ZNF791: variants seen among roughly 807,000 people sequenced by gnomAD.
ZNF791 encodes the protein zinc finger protein 791.
ZNF791 carries 4 observed loss-of-function variants against 11.5 expected under a neutral mutation model. The ratio of observed to expected loss-of-function variants is 0.35; its 90% confidence interval spans 0.17 to 0.80. The LOEUF (loss-of-function observed/expected upper bound fraction) is 0.80, where lower values mean the gene tolerates loss of function less well. ZNF791 is among the 30% of genes least tolerant of loss of function. The pLI is 0.53. For missense variants in ZNF791, 559 were observed against 699.4 expected, an observed-to-expected ratio of 0.80 and a Z score of 2.26; for synonymous variants, 212 against 228.1, an observed-to-expected ratio of 0.93 and a Z score of 0.64.
Position 12,627,703 on chromosome 19 carries a change from G to A in ZNF791, c.192-18G>A. On this transcript the variant is annotated intron_variant, in intron 3 of 3. Transcript: ENST00000343325. ...ATTAATACACAACCAGTATTACCGTGCTTCTAATTTTTTACAGAAGCCATA... is the reference window on the plus strand; with the variant it reads ...ATTAATACACAACCAGTATTACCGTACTTCTAATTTTTTACAGAAGCCATA... 1 of 1,586,724 alleles carries A rather than the reference G, an allele frequency of 6.3e-7. No homozygotes were observed. Among genetic ancestry groups the A allele is most frequent in the African/African-American group, 1.4e-5 (1 of 74,040 alleles).
In ZNF791 at chr19:12,628,449, A is replaced by G. The variant is rs1368025953; in HGVS notation, c.920A>G (p.Lys307Arg). The G allele has an allele frequency of 8.1e-6, 13 of 1,612,060 alleles. No individual in the cohort carries two copies. The highest frequency in any genetic ancestry group is 1.6e-4 in the Middle Eastern group (1 of 6,076). The change falls in exon 4 of 4, where the codon AAA becomes AGA. Residue 307 changes from lysine (K) to arginine (R), a missense_variant. Physicochemically the swap from Lys to Arg is conservative, Grantham distance 26. Coordinates refer to ENST00000343325, the MANE Select transcript of ZNF791 (RefSeq NM_153358.3). Reference sequence around the variant, plus strand: ...CCCTATAAATGTAAACAATGTGGTAAAGCCTTCAGATGTTCCACCTCCATT... The same window carrying G: ...CCCTATAAATGTAAACAATGTGGTAGAGCCTTCAGATGTTCCACCTCCATT... ...EKPYKCKQCG[K>R]AFRCSTSIQI...
rs57575424 is a variant in ZNF791 at position 12,614,892 on chromosome 19, CTTTTTTTTTTTTTTTTTTTTTTTTTTT to C, written c.3+3819_3+3845del. ...ACAGGTGTGAGCCACTGCGTCCGGC[CTTTTTTTTTTTTTTTTTTTTTTTTTTT>C]TTTTTTTTGATACAGCGTCTCACTC... On this transcript the variant is annotated intron_variant, in intron 1 of 3. Coordinates refer to ENST00000343325, the MANE Select transcript of ZNF791 (RefSeq NM_153358.3). Among the ~76,000 whole-genome samples the C allele has an allele frequency of 2.3e-4, 4 of 17,548 alleles. 1 individual carries two copies. The highest frequency in any genetic ancestry group is 5.2e-4 in the Non-Finnish European group (4 of 7,720). 11.5% of individuals were successfully genotyped at this position (17,548 alleles called of 152,430 possible).
At chr19:12,615,930 C>T (rs2023239388) in intron 1 of ZNF791, among the ~76,000 whole-genome samples, 1 of 152,072 alleles carries the variant, frequency 6.6e-6, no homozygotes, top group African/African-American at 2.4e-5. Context: ...TATTTTTCAA[C>T]TCATGTGAGT....
intron 1 of ZNF791, among the ~76,000 whole-genome samples, chr19:12,615,945 A>T (rs2023239826): frequency 6.6e-6 from 1 of 152,202 alleles, no homozygotes; most frequent in Non-Finnish European, 1.5e-5. Flanking sequence ...GTGAGTAAAT[A>T]GCAAGGAATG....
rs1235898284 is a variant in ZNF791 at position 12,629,581 on chromosome 19, G to C, written c.*321G>C. ...GTGTAAACGTGCTGCACTTTCAGTT[G>C]TATAAAAGTACAAGACAGCGGCCGG... On this transcript the variant is annotated 3_prime_UTR_variant, in exon 4 of 4. Coordinates refer to ENST00000343325, the MANE Select transcript of ZNF791 (RefSeq NM_153358.3). 5.7e-6 allele frequency: 1 copy of C among 175,768 alleles called. No homozygotes were observed. Among genetic ancestry groups the C allele is most frequent in the Non-Finnish European group, 1.2e-5 (1 of 83,792 alleles). 10.9% of individuals were successfully genotyped at this position (175,768 alleles called of 1,614,324 possible).
chr19:12,612,201 A>G (rs1046748683), intron 1 of ZNF791: 1 of 784,752 alleles, frequency 1.3e-6, no homozygotes, highest in Non-Finnish European at 1.5e-6. Context: ...TGACATTATT[A>G]TTTTCTTTTT....
intron 1 of ZNF791, among the ~76,000 whole-genome samples, chr19:12,618,492 C>A (rs1394945639): frequency 6.6e-6 from 1 of 151,912 alleles, no homozygotes; most frequent in African/African-American, 2.4e-5. Flanking sequence ...GCCTGGGCAA[C>A]AATGAGACCC....
intron 1 of ZNF791, among the ~76,000 whole-genome samples, chr19:12,620,396 G>A (rs927706924): frequency 4.0e-5 from 6 of 151,360 alleles, no homozygotes; most frequent in East Asian, 2.0e-4. Context: ...GGCTGGTCTC[G>A]AACTCCTGGG....
At chr19:12,621,723 GTCA>G (rs2023349770) in intron 1 of ZNF791, among the ~76,000 whole-genome samples, 1 of 67,674 alleles carries the variant, frequency 1.5e-5, no homozygotes, top group African/African-American at 5.9e-5. Flanking sequence ...TCGGTGGGGG[GTCA>G]GCCCCCCTGC....
Position 12,627,987 on chromosome 19 carries a change from G to C in ZNF791, c.458G>C (p.Ser153Thr), listed in dbSNP as rs2023453186. The part of the protein sequence containing the change: ...YLKSFQRHER[S>T]HTGEKPYKCK... ...AAATCCTTTCAAAGACATGAAAGGA[G>C]TCACACTGGAGAAAAACCCTATAAA... Residue 153 changes from serine (S) to threonine (T), a missense_variant, in exon 4 of 4, where the codon AGT becomes ACT. Transcript: ENST00000343325. 1 of 1,613,828 alleles carries C rather than the reference G, an allele frequency of 6.2e-7. No individual in the cohort carries two copies. Among genetic ancestry groups the C allele is most frequent in the Admixed American group, 1.7e-5 (1 of 59,950 alleles).
chr19:12,614,583 A>G (rs1322666691), intron 1 of ZNF791, among the ~76,000 whole-genome samples: 2 of 146,330 alleles, frequency 1.4e-5, no homozygotes, highest in East Asian at 2.1e-4. Flanking sequence ...AAGCTGGGGA[A>G]TATGTTTAAC....
intron 1 of ZNF791, among the ~76,000 whole-genome samples, chr19:12,617,984 C>T (rs2023273218): frequency 7.1e-6 from 1 of 140,398 alleles, no homozygotes; most frequent in African/African-American, 2.7e-5. Context: ...GAGGCAAGAA[C>T]TCAGCTCACT....
At chr19:12,615,994 G>A (rs1015956592) in intron 1 of ZNF791, among the ~76,000 whole-genome samples, 1 of 152,108 alleles carries the variant, frequency 6.6e-6, no homozygotes, top group Non-Finnish European at 1.5e-5. Context: ...GTTTTGTTTT[G>A]TTAGAAACTG....
In ZNF791 at chr19:12,629,610, C is replaced by T. The variant is rs144729286; in HGVS notation, c.*350C>T. On this transcript the variant is annotated 3_prime_UTR_variant, in exon 4 of 4. Coordinates refer to ENST00000343325, the MANE Select transcript of ZNF791 (RefSeq NM_153358.3). ...AAAAGTACAAGACAGCGGCCGGGGA[C>T]GGTGGCTCACGCCTGTAATCCCAGC... The T allele has an allele frequency of 0.022, 3,423 of 158,310 alleles. 66 individuals are homozygous for T. The highest frequency in any genetic ancestry group is 0.047 in the Middle Eastern group (15 of 318). 9.8% of individuals were successfully genotyped at this position (158,310 alleles called of 1,614,324 possible). A position where few individuals can be genotyped will look rare whatever the true frequency, so the allele number is the denominator to read the frequency against.
At chr19:12,612,806 ATTT>A (rs140336473) in intron 1 of ZNF791, among the ~76,000 whole-genome samples, 32 of 104,200 alleles carry the variant, frequency 3.1e-4, no homozygotes, top group Middle Eastern at 5.6e-3. Context: ...ATTCTGCTGG[ATTT>A]TTTTTTTTTT....
rs781701721 is a variant in ZNF791 at position 12,624,668 on chromosome 19, C to G, written c.149C>G (p.Pro50Arg). Residue 50 changes from proline to arginine, a missense_variant, in exon 3 of 4, where the codon CCG (proline) becomes CGG (arginine). Pro to Arg is a moderately radical substitution (Grantham distance 103, BLOSUM62 -2). Transcript: ENST00000343325. ...ATTTTAGGGGAAAAATGGGAAGACC[C>G]GAATGTTGAAGATCAACACAAAAAC... ...LASIGEKWED[P>R]NVEDQHKNQG... 1.2e-6 allele frequency: 2 copies of G among 1,605,554 alleles called. No individual in the cohort carries two copies. The highest frequency in any genetic ancestry group is 1.3e-5 in the African/African-American group (1 of 74,606).
In ZNF791 at chr19:12,610,966, G is replaced by T; in HGVS notation, c.-114G>T. On this transcript the variant is annotated 5_prime_UTR_variant, in exon 1 of 4. Transcript: ENST00000343325. ...GCGATCGGGTTGTGCTTAGCTTGGG[G>T]TCTCCTGGCCCCTTGACGCGTCAGG... 5.6e-6 allele frequency: 8 copies of T among 1,423,166 alleles called. No homozygotes were observed. The highest frequency in any genetic ancestry group is 7.9e-6 in the Non-Finnish European group (8 of 1,010,666). 88.2% of individuals were successfully genotyped at this position (1,423,166 alleles called of 1,614,324 possible). A position where few individuals can be genotyped will look rare whatever the true frequency, so the allele number is the denominator to read the frequency against.
chr19:12,622,406 T>TAA (rs2023366345), intron 1 of ZNF791, among the ~76,000 whole-genome samples: 2 of 38,994 alleles, frequency 5.1e-5, no homozygotes, highest in African/African-American at 9.2e-5. Flanking sequence ...AAAGACTGTC[T>TAA]CAAACAAAAA....
chr19:12,617,073 A>G (rs1001225814), intron 1 of ZNF791, among the ~76,000 whole-genome samples: 10 of 151,872 alleles, frequency 6.6e-5, no homozygotes, highest in African/African-American at 2.4e-4. Context: ...GCATTCCACA[A>G]ATTTTGATAA....
Sources: gnomAD v4.1 joint callset for allele counts (sites outside exome capture counted in the v4.1 genomes callset) on GRCh38, gnomAD v4.1.1 for gene constraint, MANE v1.5 for transcripts, NCBI Gene and HGNC (gene_info 2026-07-23, HGNC 2026-07-21) for gene names.